The following USP32 variants were observed in gnomAD, a reference collection of about 807,000 sequenced individuals.
USP32 encodes the protein ubiquitin carboxyl-terminal hydrolase 32.
A neutral mutation model predicts 204.8 loss-of-function variants in USP32; 59 were observed. That is an observed-to-expected ratio of 0.29 (90% confidence interval 0.23 to 0.36). The LOEUF is 0.36. USP32 is among the 10% of genes least tolerant of loss of function. The pLI, the probability that USP32 is intolerant of heterozygous loss-of-function variation, is 1.00. For missense variants in USP32, 1,160 were observed against 1,946.4 expected (o/e 0.60, Z 7.60); for synonymous variants, 517 against 678.4 (o/e 0.76, Z 3.70).
At chr17:60,208,503 C>T (rs1482878886) in intron 23 of USP32, 151 bp downstream of exon 23, 3 of 1,305,246 alleles carry the variant, frequency 2.3e-6, no homozygotes, top group East Asian at 2.9e-5. Context: ...TCTTTCAAAC[C>T]TCAAGTCATG....
At chr17:60,255,119 G>T in intron 10 of USP32, 56 bp downstream of exon 10, 2 of 1,257,012 alleles carry the variant, frequency 1.6e-6, no homozygotes, top group Non-Finnish European at 2.3e-6. Context: ...TGATGGAAAA[G>T]ATGTAGAAGT....
intron 5 of USP32, among the ~76,000 whole-genome samples, chr17:60,285,017 T>C (rs2087074880): frequency 6.6e-6 from 1 of 152,214 alleles, no homozygotes; most frequent in Non-Finnish European, 1.5e-5. Flanking sequence ...CCTACTGCAA[T>C]ACCCTTAATT....
chr17:60,389,366 AC>A (rs754743853), intron 1 of USP32, among the ~76,000 whole-genome samples: 5 of 151,844 alleles, frequency 3.3e-5, no homozygotes, highest in Non-Finnish European at 7.4e-5. Flanking sequence ...ACATGATGAA[AC>A]CCCATCTCTA....
chr17:60,270,571 C>A (rs1460312482), intron 6 of USP32, among the ~76,000 whole-genome samples: 1 of 152,120 alleles, frequency 6.6e-6, no homozygotes, highest in Non-Finnish European at 1.5e-5. Context: ...CGCCTGTAAT[C>A]CCAGCACTTT....
At chr17:60,234,104 C>A (rs2085646818) in intron 12 of USP32, among the ~76,000 whole-genome samples, 1 of 151,722 alleles carries the variant, frequency 6.6e-6, no homozygotes, top group South Asian at 2.1e-4. Context: ...CGCACACTAC[C>A]AAGCATGACT....
intron 9 of USP32, chr17:60,258,193 C>A: frequency 6.3e-6 from 1 of 158,758 alleles, no homozygotes. Flanking sequence ...TGAAATGATG[C>A]AAATGAAAAA....
chr17:60,340,456 T>C (rs2088630466), intron 2 of USP32, among the ~76,000 whole-genome samples: 1 of 152,228 alleles, frequency 6.6e-6, no homozygotes, highest in Non-Finnish European at 1.5e-5. Flanking sequence ...TCGTTGTTGG[T>C]TTAAAGTCTG....
intron 12 of USP32, among the ~76,000 whole-genome samples, chr17:60,234,103 C>T (rs2085646738): frequency 6.6e-6 from 1 of 151,812 alleles, no homozygotes; most frequent in East Asian, 1.9e-4. Context: ...GCGCACACTA[C>T]CAAGCATGAC....
intron 1 of USP32, among the ~76,000 whole-genome samples, chr17:60,417,711 C>A (rs1044416382): frequency 3.3e-5 from 5 of 152,134 alleles, no homozygotes; most frequent in Non-Finnish European, 7.4e-5. Flanking sequence ...GCCTCAGCCT[C>A]CCAAAGTGTG....
chr17:60,396,069 CTTTTTTTTTT>C (rs936063243), upstream of USP32, among the ~76,000 whole-genome samples: 1 of 74,920 alleles, frequency 1.3e-5, no homozygotes, highest in Admixed American at 1.4e-4. Flanking sequence ...GCACTTGAAG[CTTTTTTTTTT>C]TTTTTTTTTT....
rs775845161 is a variant in USP32, at chr17:60,180,611, G to C, written c.4575C>G (p.Gly1525=). Reference sequence around the variant, plus strand: ...GGTTTTTGGCATAAGTGACGTAATGGCCCCCACCCAGAATTCCTGAATGGC... The same window carrying C: ...GGTTTTTGGCATAAGTGACGTAATGCCCCCCACCCAGAATTCCTGAATGGC... ...ISCHSGILGG[G]HYVTYAKNPN... Residue 1525 remains glycine, a synonymous_variant, in exon 33 of 34, where the codon GGC becomes GGG. Transcript: ENST00000300896. The C allele has an allele frequency of 1.2e-6, 2 of 1,613,614 alleles. No individual in the cohort carries two copies. The highest frequency in any genetic ancestry group is 2.2e-5 in the South Asian group (2 of 91,050).
intron 11 of USP32, among the ~76,000 whole-genome samples, chr17:60,239,948 G>C (rs1478135440): frequency 6.6e-6 from 1 of 152,156 alleles, no homozygotes; most frequent in Non-Finnish European, 1.5e-5. Context: ...TGTTGGCCAG[G>C]CTGGTCTCGA....
At chr17:60,366,476 GGCT>G in intron 1 of USP32, among the ~76,000 whole-genome samples, 1 of 152,178 alleles carries the variant, frequency 6.6e-6, no homozygotes, top group Non-Finnish European at 1.5e-5. Context: ...ATGTTGGTCA[GGCT>G]GGTCTCGAAC....
At chr17:60,380,561 A>G (rs1171012894) in intron 1 of USP32, among the ~76,000 whole-genome samples, 2 of 152,218 alleles carry the variant, frequency 1.3e-5, no homozygotes, top group Non-Finnish European at 2.9e-5. Flanking sequence ...TAAAAAAGTC[A>G]TTCCAGATAA....
chr17:60,208,004 A>G (rs1453161804), intron 24 of USP32, 55 bp downstream of exon 24: 79 of 1,508,328 alleles, frequency 5.2e-5, no homozygotes, highest in Non-Finnish European at 6.9e-5. Context: ...ATAATTGAGA[A>G]AAATGTCATC....
chr17:60,302,105 TTTTG>T lies in USP32; in HGVS notation c.187-405_187-402del, dbSNP rs565431502. 9.0e-3 allele frequency among the ~76,000 whole-genome samples: 1,126 copies of T among 125,522 alleles called. 21 individuals are homozygous for T. Among genetic ancestry groups the T allele is most frequent in the African/African-American group, 0.032 (1,074 of 33,170 alleles). 82.3% of individuals were successfully genotyped at this position (125,522 alleles called of 152,430 possible). On this transcript the variant is annotated intron_variant, in intron 2 of 33. Coordinates refer to ENST00000300896, the MANE Select transcript of USP32 (RefSeq NM_032582.4). Reference sequence around the variant, plus strand: ...TGTTCTGAGCACATATATATAAATATTTTGTTTGTTTATTTATTTATTTATTTAT... The same window carrying T: ...TGTTCTGAGCACATATATATAAATATTTTGTTTATTTATTTATTTATTTAT...
At chr17:60,226,778 T>C (rs1366492050) in intron 12 of USP32, among the ~76,000 whole-genome samples, 4 of 152,058 alleles carry the variant, frequency 2.6e-5, no homozygotes, top group Non-Finnish European at 5.9e-5. Flanking sequence ...CTATGTGACC[T>C]TCTACAATAA....
chr17:60,268,233 A>C (rs559634473), intron 7 of USP32, among the ~76,000 whole-genome samples: 1 of 152,264 alleles, frequency 6.6e-6, no homozygotes, highest in South Asian at 2.1e-4. Context: ...TCAGCAAAAA[A>C]AGAAATTAAA....
chr17:60,235,796 C>T lies in USP32; in HGVS notation c.1239+342G>A, dbSNP rs189543760. On this transcript the variant is annotated intron_variant, in intron 12 of 33. Transcript: ENST00000300896. ...ATTCAGGTTACTTTTTCTTTCAGCA[C>T]CAGGTTCCCCACAGGTAAAATGGGT... Among the ~76,000 whole-genome samples the T allele has an allele frequency of 1.3e-3, 200 of 152,292 alleles. 1 individual carries two copies. Among genetic ancestry groups the T allele is most frequent in the African/African-American group, 4.5e-3 (187 of 41,548 alleles).
Sources: gnomAD v4.1 joint callset for allele counts (sites outside exome capture counted in the v4.1 genomes callset) on GRCh38, gnomAD v4.1.1 for gene constraint, MANE v1.5 for transcripts, NCBI Gene and HGNC (gene_info 2026-07-23, HGNC 2026-07-21) for gene names.